NEK1: variants seen among roughly 807,000 people sequenced by gnomAD.
NEK1 encodes the protein NIMA related kinase 1, also known as serine/threonine-protein kinase Nek1.
Under a neutral mutation model 182.1 loss-of-function variants are expected in NEK1, and 137 were observed. The observed-to-expected ratio is 0.75, with a 90% CI of 0.65 to 0.87. NEK1 has a LOEUF of 0.87. Ranked by LOEUF, NEK1 falls within the 40% of genes least tolerant of loss-of-function variation. The pLI is 0.00. For synonymous variants in NEK1, 513 were observed against 492.2 expected (o/e 1.04, Z -0.56); for missense variants, 1,391 against 1,494.4 (o/e 0.93, Z 1.14).
At chr4:169,549,039 C>T (rs1403296199) in intron 18 of NEK1, among the ~76,000 whole-genome samples, 1 of 152,198 alleles carries the variant, frequency 6.6e-6, no homozygotes, top group African/African-American at 2.4e-5. Flanking sequence ...CTTTGGCTAC[C>T]TCGGTGTCTG....
intron 18 of NEK1, among the ~76,000 whole-genome samples, chr4:169,540,375 C>G (rs1759208132): frequency 6.6e-6 from 1 of 151,880 alleles, no homozygotes; most frequent in Non-Finnish European, 1.5e-5. Context: ...GTTTAAAAAC[C>G]TATAAAATCT....
At chr4:169,547,796 T>C (rs1200335495) in intron 18 of NEK1, among the ~76,000 whole-genome samples, 1 of 152,232 alleles carries the variant, frequency 6.6e-6, no homozygotes, top group Admixed American at 6.5e-5. Flanking sequence ...CACGAAGTTC[T>C]CATGCAGTGT....
At chr4:169,417,297 C>T (rs1223723820) in intron 31 of NEK1, among the ~76,000 whole-genome samples, 3 of 152,132 alleles carry the variant, frequency 2.0e-5, no homozygotes, top group East Asian at 1.9e-4. Context: ...GCAGTCAATG[C>T]CATATGAAAC....
chr4:169,596,054 G>A (rs1769436208), intron 5 of NEK1, among the ~76,000 whole-genome samples: 1 of 152,062 alleles, frequency 6.6e-6, no homozygotes, highest in Non-Finnish European at 1.5e-5. Flanking sequence ...CTAGCAACCA[G>A]GGACCTTGGC....
chr4:169,526,054 C>T (rs1233543731), intron 19 of NEK1, among the ~76,000 whole-genome samples: 1 of 152,206 alleles, frequency 6.6e-6, no homozygotes, highest in Non-Finnish European at 1.5e-5. Context: ...AGCAAACCCA[C>T]CTTCCCTCTG....
intron 19 of NEK1, among the ~76,000 whole-genome samples, chr4:169,513,302 T>C (rs903763040): frequency 2.0e-5 from 3 of 152,312 alleles, no homozygotes; most frequent in Middle Eastern, 3.4e-3. Context: ...ATATTGCATA[T>C]GTTTTGTTAG....
Position 169,424,617 on chromosome 4 carries a change from T to C in NEK1, c.3158A>G (p.Asn1053Ser). 3 of 1,612,976 alleles carry C rather than the reference T, an allele frequency of 1.9e-6. No homozygotes were observed. The highest frequency in any genetic ancestry group is 2.5e-6 in the Non-Finnish European group (3 of 1,179,174). The change falls in exon 31 of 36, where the codon AAT (asparagine) becomes AGT (serine). Residue 1053 changes from asparagine to serine, a missense_variant. By Grantham distance (46) the Asn-to-Ser change is conservative (BLOSUM62 1). This residue lies in a region of NEK1 where 1,216 missense variants were observed against 1,277.6 expected (regional missense o/e 0.95). Transcript: ENST00000507142. ...AATCAGCAAGGAATTCTTGTTTTTA[T>C]TTTTTGGTGGTAAATGCGAGTGAGA... is the stretch of plus-strand genomic sequence containing the variant. ...FRSHSHLPPK[N>S]KNKNSLLIGL...
At chr4:169,550,983 T>C (rs1761344789) in intron 18 of NEK1, among the ~76,000 whole-genome samples, 1 of 152,170 alleles carries the variant, frequency 6.6e-6, no homozygotes, top group Non-Finnish European at 1.5e-5. Flanking sequence ...AGTAGGTAAA[T>C]TCGCAAATAC....
rs368275750 is a variant in NEK1, at chr4:169,477,285, T to C, written c.2273A>G (p.Gln758Arg). The change falls in exon 26 of 36, where the codon CAG (glutamine) becomes CGG (arginine). Residue 758 changes from glutamine to arginine, a missense_variant. Coordinates refer to ENST00000507142, the MANE Select transcript of NEK1 (RefSeq NM_001199397.3). ...LKAQEDEKGKQNLSDTFEINV... is the reference protein window; with the variant it reads ...LKAQEDEKGKRNLSDTFEINV... ...TATCTCAAAAGTATCAGAGAGATTCTGCTTTCCTTTTTCATCTTCTTGAGC... is the reference window on the plus strand; with the variant it reads ...TATCTCAAAAGTATCAGAGAGATTCCGCTTTCCTTTTTCATCTTCTTGAGC... 4 of 1,593,434 alleles carry C rather than the reference T, an allele frequency of 2.5e-6. No individual in the cohort carries two copies. The African/African-American group carries it at 4.0e-5, about 16-fold the overall frequency.
chr4:169,503,189 C>T (rs367953133), intron 23 of NEK1, among the ~76,000 whole-genome samples: 1 of 151,988 alleles, frequency 6.6e-6, no homozygotes, highest in African/African-American at 2.4e-5. Flanking sequence ...AAGATCTCTA[C>T]AAGGAGAACT....
Position 169,508,814 on chromosome 4 carries a change from C to A in NEK1, c.1704G>T (p.Arg568Ser). Residue 568 changes from arginine (R) to serine (S), a missense_variant, in exon 20 of 36, where the codon AGG becomes AGT. Arg to Ser is a moderately radical substitution (Grantham distance 110, BLOSUM62 -1). This residue lies in a region of NEK1 where 1,216 missense variants were observed against 1,277.6 expected (regional missense o/e 0.95). Coordinates refer to ENST00000507142, the MANE Select transcript of NEK1 (RefSeq NM_001199397.3). ...LQNLAAMYGG[R>S]PSSSRGGKPR... Reference sequence around the variant, plus strand: ...GCTTCCCTCCTCTTGAAGAGCTGGGCCTGCCTCCATACATAGCTGCCAGGT... The same window carrying A: ...GCTTCCCTCCTCTTGAAGAGCTGGGACTGCCTCCATACATAGCTGCCAGGT... 1.3e-6 allele frequency: 2 copies of A among 1,591,576 alleles called. No individual in the cohort carries two copies. The highest frequency in any genetic ancestry group is 1.7e-6 in the Non-Finnish European group (2 of 1,176,688).
intron 12 of NEK1, among the ~76,000 whole-genome samples, chr4:169,569,955 C>T (rs1276916700): frequency 6.7e-6 from 1 of 149,860 alleles, no homozygotes; most frequent in Non-Finnish European, 1.5e-5. Context: ...GGCCGCCCAT[C>T]GTCTGGGACG....
intron 12 of NEK1, among the ~76,000 whole-genome samples, chr4:169,569,840 T>C (rs1215084259): frequency 6.6e-6 from 1 of 152,180 alleles, no homozygotes; most frequent in Non-Finnish European, 1.5e-5. Flanking sequence ...CTCGGCTCGC[T>C]ACAACCTCCA....
At chr4:169,541,995 G>A (rs995310622) in intron 18 of NEK1, among the ~76,000 whole-genome samples, 2 of 152,044 alleles carry the variant, frequency 1.3e-5, no homozygotes, top group African/African-American at 4.8e-5. Context: ...CTTTAACCAT[G>A]ATTTCTTTAA....
At position 169,537,942 on chromosome 4, in the gene NEK1, C is replaced by A. The variant is rs745555719; in HGVS notation, c.1563-31G>T. 3.4e-6 allele frequency: 5 copies of A among 1,455,570 alleles called. No homozygotes were observed. The South Asian group carries it at 6.6e-5, about 19-fold the overall frequency. The allele number at this position is 1,455,570 out of a possible 1,614,324, so 90.2% of individuals were successfully genotyped here. Reference sequence around the variant, plus strand: ...TTGGACAAATCACAAAGTCAGCCATCCTGAACAGAAAATATTCTAAAAAGT... The same window carrying A: ...TTGGACAAATCACAAAGTCAGCCATACTGAACAGAAAATATTCTAAAAAGT... On this transcript the variant is annotated intron_variant, in intron 18 of 35. Coordinates refer to ENST00000507142, the MANE Select transcript of NEK1 (RefSeq NM_001199397.3).
chr4:169,496,489 A>C (rs1307763855), intron 23 of NEK1, among the ~76,000 whole-genome samples: 27 of 151,564 alleles, frequency 1.8e-4, no homozygotes, highest in Non-Finnish European at 3.8e-4. Context: ...GCCAGTTTTC[A>C]AAGGGAATGC....
intron 23 of NEK1, among the ~76,000 whole-genome samples, chr4:169,504,096 T>C (rs1041876808): frequency 1.3e-5 from 2 of 152,100 alleles, no homozygotes; most frequent in Non-Finnish European, 2.9e-5. Context: ...AAAGATGACA[T>C]ACAAATGGCA....
intron 26 of NEK1, among the ~76,000 whole-genome samples, chr4:169,476,003 A>C (rs766014760): frequency 2.0e-5 from 3 of 152,150 alleles, no homozygotes; most frequent in Non-Finnish European, 4.4e-5. Flanking sequence ...AAGAAGGAGG[A>C]GGCATGGAAA....
At chr4:169,422,509 T>C (rs1011135278) in intron 31 of NEK1, among the ~76,000 whole-genome samples, 3 of 152,210 alleles carry the variant, frequency 2.0e-5, no homozygotes, top group African/African-American at 7.2e-5. Context: ...ATCCCACCAG[T>C]AGTATAACTT....
Sources: allele counts gnomAD v4.1 joint callset (sites outside exome capture counted in the v4.1 genomes callset), GRCh38; gene constraint gnomAD v4.1.1; regional missense constraint gnomAD v4.1.1; transcripts MANE v1.5; gene names NCBI Gene and HGNC (gene_info 2026-07-23, HGNC 2026-07-21).